The following MRTFA variants were observed in gnomAD, a reference collection of about 807,000 sequenced individuals.
The protein encoded by MRTFA is myocardin related transcription factor A, also known as myocardin-related transcription factor A.
A neutral mutation model predicts 83.5 loss-of-function variants in MRTFA; 20 were observed. The observed-to-expected ratio is 0.24, with a 90% CI of 0.17 to 0.35. MRTFA has a LOEUF of 0.35. Among genes scored for constraint, MRTFA ranks in the 10% least tolerant of loss-of-function variants. MRTFA has a pLI of 1.00. For synonymous variants in MRTFA, 659 were observed against 541.2 expected, an observed-to-expected ratio of 1.22 and a Z score of -3.02; for missense variants, 1,200 against 1,224.7, an observed-to-expected ratio of 0.98 and a Z score of 0.30.
chr22:40,471,241 A>C lies in MRTFA; in HGVS notation c.242-7955T>G, dbSNP rs1359569741. On this transcript the variant is annotated intron_variant, in intron 3 of 14. Coordinates refer to ENST00000355630, the MANE Select transcript of MRTFA (RefSeq NM_020831.6). Reference sequence around the variant, plus strand: ...TATTAAAAAAAAAAAAAAAAAAAAAAAAAAAACAAGAATTAGCCAGATGTG... The same window carrying C: ...TATTAAAAAAAAAAAAAAAAAAAAACAAAAAACAAGAATTAGCCAGATGTG... Among the ~76,000 whole-genome samples, 18 of 149,286 alleles carry C rather than the reference A, an allele frequency of 1.2e-4. 1 individual carries two copies. The highest frequency in any genetic ancestry group is 1.8e-4 in the Non-Finnish European group (12 of 67,258).
chr22:40,503,207 C>T (rs2035101895), intron 3 of MRTFA, among the ~76,000 whole-genome samples: 1 of 152,226 alleles, frequency 6.6e-6, no homozygotes, highest in South Asian at 2.1e-4. Flanking sequence ...TTCATTTGTG[C>T]TTCACCACAA....
intron 4 of MRTFA, among the ~76,000 whole-genome samples, chr22:40,445,260 C>T (rs946738931): frequency 6.6e-6 from 1 of 152,068 alleles, no homozygotes; most frequent in Non-Finnish European, 1.5e-5. Context: ...TATCTTTTAG[C>T]CATATTTATT....
chr22:40,432,706 G>A (rs996949428), intron 5 of MRTFA, among the ~76,000 whole-genome samples: 16 of 151,344 alleles, frequency 1.1e-4, no homozygotes, highest in Admixed American at 6.6e-5. Context: ...AAAAAGACTT[G>A]TCCTCACCTA....
chr22:40,463,335 C>A (rs900973494), intron 3 of MRTFA, 49 bp from the exon 4 acceptor site: 1 of 1,504,078 alleles, frequency 6.6e-7, no homozygotes, highest in African/African-American at 1.4e-5. Context: ...GTTGGGTATT[C>A]CACCTCAAAA....
chr22:40,623,614 A>G (rs1017931855), intron 1 of MRTFA, among the ~76,000 whole-genome samples: 1 of 152,226 alleles, frequency 6.6e-6, no homozygotes, highest in African/African-American at 2.4e-5. Flanking sequence ...GGGCAGAGAA[A>G]AGACAGATAT....
chr22:40,459,925 C>G (rs969943653), intron 4 of MRTFA, among the ~76,000 whole-genome samples: 1 of 145,944 alleles, frequency 6.9e-6, no homozygotes, highest in Non-Finnish European at 1.5e-5. Flanking sequence ...AGCATATAAG[C>G]AGATAACCGC....
Position 40,419,029 on chromosome 22 carries a change from G to A in MRTFA, c.1709C>T (p.Ser570Phe), listed in dbSNP as rs1482723421. ...CTCACCAAAGGTGTCCCCGGGGGTG[G>A]AGTTTTCATCGCCCGTGCTGAGCAG... Residue 570 changes from serine (S) to phenylalanine (F), a missense_variant, in exon 12 of 15, where the codon TCC (serine) becomes TTC (phenylalanine). By Grantham distance (155) the Ser-to-Phe change is radical. Around this residue, in one of 2 missense-constraint regions of MRTFA, gnomAD observed 1,107 missense variants for 1,041.8 expected, o/e 1.06. Coordinates refer to ENST00000355630, the MANE Select transcript of MRTFA (RefSeq NM_020831.6). 3 of 1,612,438 alleles carry A rather than the reference G, an allele frequency of 1.9e-6. No individual in the cohort carries two copies. Among genetic ancestry groups the A allele is most frequent in the Admixed American group, 1.7e-5 (1 of 59,966 alleles).
intron 4 of MRTFA, among the ~76,000 whole-genome samples, chr22:40,436,686 TGA>T (rs1411417827): frequency 6.6e-6 from 1 of 150,518 alleles, no homozygotes; most frequent in East Asian, 1.9e-4. Flanking sequence ...ACTCTGAGGA[TGA>T]GAGGGAAAGG....
At chr22:40,459,950 C>G (rs962417687) in intron 4 of MRTFA, among the ~76,000 whole-genome samples, 1 of 149,736 alleles carries the variant, frequency 6.7e-6, no homozygotes, top group African/African-American at 2.5e-5. Context: ...ACCAAAGCAT[C>G]ATTTGTCTTT....
At chr22:40,593,808 A>G (rs2056153923) in intron 2 of MRTFA, among the ~76,000 whole-genome samples, 1 of 152,178 alleles carries the variant, frequency 6.6e-6, no homozygotes, top group Admixed American at 6.5e-5. Context: ...AACCCCACAC[A>G]CAAGTTTACA....
intron 1 of MRTFA, among the ~76,000 whole-genome samples, chr22:40,630,290 T>C (rs745533945): frequency 6.6e-6 from 1 of 151,996 alleles, no homozygotes; most frequent in Non-Finnish European, 1.5e-5. Context: ...TGCTCTACCC[T>C]AGGCAAGAGA....
intron 2 of MRTFA, among the ~76,000 whole-genome samples, chr22:40,563,202 A>C (rs2055655000): frequency 6.6e-6 from 1 of 152,012 alleles, no homozygotes; most frequent in African/African-American, 2.4e-5. Context: ...GACTGCCTAG[A>C]ATTGCCTCTT....
intron 1 of MRTFA, among the ~76,000 whole-genome samples, chr22:40,625,888 C>A (rs2056576462): frequency 6.6e-6 from 1 of 152,154 alleles, no homozygotes; most frequent in Non-Finnish European, 1.5e-5. Context: ...ACCTGGAGTG[C>A]AAATTTAAAG....
chr22:40,485,512 G>T (rs1413870998), intron 3 of MRTFA, among the ~76,000 whole-genome samples: 1 of 152,038 alleles, frequency 6.6e-6, no homozygotes, highest in Non-Finnish European at 1.5e-5. Flanking sequence ...AATCAAAAGG[G>T]CAAAAGGAAA....
intron 3 of MRTFA, among the ~76,000 whole-genome samples, chr22:40,498,128 T>C (rs981437088): frequency 2.0e-5 from 3 of 151,274 alleles, no homozygotes; most frequent in African/African-American, 7.3e-5. Context: ...GGTGACAGAG[T>C]AAGACCCTGT....
At chr22:40,592,057 T>C (rs918098081) in intron 2 of MRTFA, among the ~76,000 whole-genome samples, 5 of 152,132 alleles carry the variant, frequency 3.3e-5, no homozygotes, top group African/African-American at 9.7e-5. Context: ...CTGAAAGACA[T>C]AGAGATGGTA....
chr22:40,478,282 G>A (rs974958405), intron 3 of MRTFA, among the ~76,000 whole-genome samples: 2 of 152,108 alleles, frequency 1.3e-5, no homozygotes, highest in African/African-American at 2.4e-5. Flanking sequence ...GTGGGAAAAC[G>A]AATGAAATCC....
At chr22:40,564,910 C>CA (rs1474890716) in intron 2 of MRTFA, among the ~76,000 whole-genome samples, 1 of 152,086 alleles carries the variant, frequency 6.6e-6, no homozygotes, top group African/African-American at 2.4e-5. Flanking sequence ...CTCGGCTTCC[C>CA]AAAGTGCTAG....
chr22:40,612,958 T>C lies in MRTFA; in HGVS notation c.-83-18223A>G, dbSNP rs185421751. 2.0e-5 allele frequency among the ~76,000 whole-genome samples: 3 copies of C among 152,220 alleles called. No individual in the cohort carries two copies. The East Asian group carries it at 5.8e-4, about 29-fold the overall frequency. On this transcript the variant is annotated intron_variant, in intron 1 of 14. Transcript: ENST00000355630. ...CAAGACCCTGGCCCAAAAACAACAATAACAAGGACATTCCCATCACTCTTC... is the reference window on the plus strand; with the variant it reads ...CAAGACCCTGGCCCAAAAACAACAACAACAAGGACATTCCCATCACTCTTC...
Sources: allele counts gnomAD v4.1 joint callset (sites outside exome capture counted in the v4.1 genomes callset), GRCh38; gene constraint gnomAD v4.1.1; regional missense constraint gnomAD v4.1.1; transcripts MANE v1.5; gene names NCBI Gene and HGNC (gene_info 2026-07-23, HGNC 2026-07-21).